The following VEZT variants were observed in gnomAD, a reference collection of about 807,000 sequenced individuals.
The protein encoded by VEZT is vezatin.
Under a neutral mutation model 79.9 loss-of-function variants are expected in VEZT, and 39 were observed. That is an observed-to-expected ratio of 0.49 (90% CI 0.38 to 0.64). The LOEUF (loss-of-function observed/expected upper bound fraction) is 0.64, where lower values mean the gene tolerates loss of function less well. Ranked by LOEUF, VEZT falls within the 30% of genes least tolerant of loss-of-function variation. VEZT has a pLI of 0.00. For synonymous variants in VEZT, 325 were observed against 327.6 expected (o/e 0.99, Z 0.09); for missense variants, 837 against 893.1 (o/e 0.94, Z 0.80).
At chr12:95,289,081 C>CAAAAAAAAAAAAAAAAAAA (rs71078697) in intron 9 of VEZT, among the ~76,000 whole-genome samples, 9 of 123,092 alleles carry the variant, frequency 7.3e-5, no homozygotes, top group Non-Finnish European at 1.6e-4. Flanking sequence ...GACTCCGTCT[C>CAAAAAAAAAAAAAAAAAAA]AAAAAAAAAA....
intron 1 of VEZT, chr12:95,224,350 G>A: frequency 2.3e-6 from 1 of 426,964 alleles, no homozygotes; most frequent in Non-Finnish European, 4.7e-6. Flanking sequence ...GTCTTGCACT[G>A]TTGCCTAGGC....
intron 1 of VEZT, among the ~76,000 whole-genome samples, chr12:95,236,027 T>C (rs9739834): frequency 0.28 from 42,485 of 150,332 alleles, 6,660 homozygotes; most frequent in African/African-American, 0.44. Context: ...GGGTGGCGGC[T>C]GGGCAGAGGC....
chr12:95,261,688 G>A (rs2064528171), intron 3 of VEZT, among the ~76,000 whole-genome samples: 1 of 152,192 alleles, frequency 6.6e-6, no homozygotes, highest in Non-Finnish European at 1.5e-5. Context: ...TGGGACTACA[G>A]GCGTGAGCCA....
In VEZT at chr12:95,300,524, C is replaced by T. The variant is rs749298016; in HGVS notation, c.2191C>T (p.Leu731=). The part of the protein sequence containing the change: ...SIKQRLARLQ[L]SPDFTFTAGL... ...TAAGCAGAGGCTGGCACGGCTACAG[C>T]TGTCACCAGATTTTACCTTCACTGC... Residue 731 remains leucine, a synonymous_variant, in exon 12 of 12, where the codon CTG becomes TTG. Coordinates refer to ENST00000436874, the MANE Select transcript of VEZT (RefSeq NM_017599.4). The T allele has an allele frequency of 6.2e-7, 1 of 1,613,846 alleles. No homozygotes were observed. The highest frequency in any genetic ancestry group is 1.3e-5 in the African/African-American group (1 of 74,934).
chr12:95,294,307 A>T lies in VEZT; in HGVS notation c.1558A>T (p.Thr520Ser). ...PEIACENPHC[T>S]VVPLKQPTLH... ...AATAGCATGTGAAAACCCACATTGT[A>T]CAGTAGTACCTTTGAAGCAGCCTAC... Residue 520 changes from threonine to serine, a missense_variant, in exon 10 of 12, where the codon ACA becomes TCA. Physicochemically the swap from Thr to Ser is moderately conservative, Grantham distance 58. Coordinates refer to ENST00000436874, the MANE Select transcript of VEZT (RefSeq NM_017599.4). 1 of 1,593,916 alleles carries T rather than the reference A, an allele frequency of 6.3e-7. No homozygotes were observed. The highest frequency in any genetic ancestry group is 2.3e-5 in the East Asian group (1 of 44,336).
At chr12:95,265,482 A>C (rs1478860396) in intron 4 of VEZT, among the ~76,000 whole-genome samples, 1 of 150,246 alleles carries the variant, frequency 6.7e-6, no homozygotes, top group Non-Finnish European at 1.5e-5. Context: ...GATTTTAGGA[A>C]AAGGGATTTA....
At chr12:95,234,202 AAAAT>A (rs752478929) in intron 1 of VEZT, among the ~76,000 whole-genome samples, 4 of 152,144 alleles carry the variant, frequency 2.6e-5, no homozygotes, top group Non-Finnish European at 5.9e-5. Flanking sequence ...ACAATTTAAA[AAAAT>A]ATTATTACTG....
chr12:95,262,278 A>G (rs576012207), intron 3 of VEZT: 2 of 152,324 alleles, frequency 1.3e-5, no homozygotes, highest in Admixed American at 6.5e-5. Flanking sequence ...AGAGACTTGT[A>G]TATCTTTTTC....
intron 3 of VEZT, among the ~76,000 whole-genome samples, chr12:95,261,516 A>G (rs2138341270): frequency 6.6e-6 from 1 of 152,172 alleles, no homozygotes; most frequent in South Asian, 2.1e-4. Context: ...GGTTCAAGAG[A>G]TTCTCCTGCC....
intron 3 of VEZT, among the ~76,000 whole-genome samples, chr12:95,258,033 A>G (rs2063741903): frequency 6.6e-6 from 1 of 152,164 alleles, no homozygotes; most frequent in Non-Finnish European, 1.5e-5. Context: ...CCAGAATTTG[A>G]ACCCAGGTCT....
At chr12:95,236,223 CCAGCCCGGCCAACA>C (rs1000657316) in intron 1 of VEZT, among the ~76,000 whole-genome samples, 106 of 152,322 alleles carry the variant, frequency 7.0e-4, no homozygotes, top group African/African-American at 2.5e-3. Flanking sequence ...GAGCTGGAGA[CCAGCCCGGCCAACA>C]CAGCGAAACC....
At chr12:95,269,969 T>G in intron 5 of VEZT, 82 bp from the exon 6 acceptor site, 1 of 1,475,926 alleles carries the variant, frequency 6.8e-7, no homozygotes, top group South Asian at 1.3e-5. Flanking sequence ...CTACATTTAA[T>G]AGAATTGTGG....
chr12:95,266,682 A>G, intron 5 of VEZT, 50 bp downstream of exon 5: 1 of 1,482,034 alleles, frequency 6.7e-7, no homozygotes, highest in Non-Finnish European at 9.0e-7. Context: ...TCTATTCCAT[A>G]AAGGAGAATA....
chr12:95,263,350 A>G (rs1593630761), intron 4 of VEZT, among the ~76,000 whole-genome samples: 1 of 152,290 alleles, frequency 6.6e-6, no homozygotes, highest in South Asian at 2.1e-4. Context: ...GGGTATAACA[A>G]GTGCCAAAAA....
At chr12:95,226,005 G>A (rs1364298432) in intron 1 of VEZT, among the ~76,000 whole-genome samples, 1 of 151,502 alleles carries the variant, frequency 6.6e-6, no homozygotes, top group Non-Finnish European at 1.5e-5. Flanking sequence ...TGACGCAGGA[G>A]GATTGCTTAA....
At position 95,235,907 on chromosome 12, in the gene VEZT, CG is replaced by C. The variant is rs1481433723; in HGVS notation, c.37-16030del. 2.0e-5 allele frequency among the ~76,000 whole-genome samples: 3 copies of C among 150,976 alleles called. No homozygotes were observed. In the East Asian group the frequency reaches 5.9e-4, roughly 30 times the overall value. ...CCCCACATCTCAGACGATGGGCAGCCGGGCAGAGACGCTCCTCACTTCCTAG... is the reference window on the plus strand; with the variant it reads ...CCCCACATCTCAGACGATGGGCAGCCGGCAGAGACGCTCCTCACTTCCTAG... On this transcript the variant is annotated intron_variant, in intron 1 of 11. Coordinates refer to ENST00000436874, the MANE Select transcript of VEZT (RefSeq NM_017599.4).
intron 1 of VEZT, among the ~76,000 whole-genome samples, chr12:95,249,579 C>G: frequency 6.6e-6 from 1 of 152,214 alleles, no homozygotes. Context: ...AGGCATTTGA[C>G]TCAATTCCTG....
intron 1 of VEZT, among the ~76,000 whole-genome samples, chr12:95,239,818 G>A (rs914512274): frequency 6.6e-6 from 1 of 152,096 alleles, no homozygotes; most frequent in Non-Finnish European, 1.5e-5. Context: ...CAGGTGTGGT[G>A]GCACATGCCT....
intron 7 of VEZT, among the ~76,000 whole-genome samples, chr12:95,276,259 C>CTTTTTTTTTTTTTTTTTTTTTTTT (rs35034660): frequency 2.7e-5 from 2 of 75,156 alleles, no homozygotes; most frequent in African/African-American, 5.6e-5. Flanking sequence ...TAATTTTTTT[C>CTTTTTTTTTTTTTTTTTTTTTTTT]TTTTTTTTTT....
Sources: allele counts gnomAD v4.1 joint callset (sites outside exome capture counted in the v4.1 genomes callset), GRCh38; gene constraint gnomAD v4.1.1; transcripts MANE v1.5; gene names NCBI Gene and HGNC (gene_info 2026-07-23, HGNC 2026-07-21).